The following HECW1 variants were observed in gnomAD, a reference collection of about 807,000 sequenced individuals.
HECW1 encodes E3 ubiquitin-protein ligase HECW1.
HECW1 carries 61 observed loss-of-function variants against 182.3 expected under a neutral mutation model. The ratio of observed to expected loss-of-function variants is 0.33; its 90% CI spans 0.27 to 0.41. The LOEUF (loss-of-function observed/expected upper bound fraction) is 0.41. Among genes scored for constraint, HECW1 ranks in the 10% least tolerant of loss-of-function variants. HECW1 has a pLI of 1.00. For synonymous variants in HECW1, 859 were observed against 832.6 expected (o/e 1.03, Z -0.55); for missense variants, 1,739 against 2,108.9 (o/e 0.82, Z 3.44).
At chr7:43,483,590 C>T (rs1268146570) in intron 17 of HECW1, among the ~76,000 whole-genome samples, 1 of 140,110 alleles carries the variant, frequency 7.1e-6, no homozygotes, top group East Asian at 2.0e-4. Context: ...GCTCTGTCAC[C>T]CAGGCTGGAG....
At chr7:43,539,387 A>C (rs2152952556) in intron 24 of HECW1, among the ~76,000 whole-genome samples, 1 of 152,330 alleles carries the variant, frequency 6.6e-6, no homozygotes, top group East Asian at 1.9e-4. Flanking sequence ...ATGTATATCC[A>C]GTCCCAGTAT....
chr7:43,396,762 T>C (rs2075245672), intron 6 of HECW1, 52 bp from the exon 7 acceptor site: 1 of 1,164,470 alleles, frequency 8.6e-7, no homozygotes, highest in South Asian at 1.2e-5. Flanking sequence ...GAAGTGTGAA[T>C]ATCCATTTCA....
chr7:43,460,201 G>C (rs938397441), intron 13 of HECW1, among the ~76,000 whole-genome samples: 3 of 152,208 alleles, frequency 2.0e-5, no homozygotes, highest in Admixed American at 6.5e-5. Context: ...TTGGCATTTG[G>C]TATCAATGCC....
chr7:43,468,787 G>T, intron 15 of HECW1, 133 bp from the exon 16 acceptor site: 2 of 746,060 alleles, frequency 2.7e-6, no homozygotes, highest in East Asian at 5.5e-5. Context: ...ATTTTCTGAG[G>T]CCTCTACCTC....
intron 5 of HECW1, among the ~76,000 whole-genome samples, chr7:43,347,495 C>G (rs1813835854): frequency 6.6e-6 from 1 of 152,088 alleles, no homozygotes; most frequent in African/African-American, 2.4e-5. Context: ...TTCCTCTTTA[C>G]TGCTTTGGAT....
At chr7:43,474,220 C>A (rs1032560909) in intron 16 of HECW1, among the ~76,000 whole-genome samples, 1 of 152,248 alleles carries the variant, frequency 6.6e-6, no homozygotes, top group East Asian at 1.9e-4. Context: ...GAGGCCAAGG[C>A]GGGTGGATCA....
intron 2 of HECW1, among the ~76,000 whole-genome samples, chr7:43,157,781 A>G (rs1790048879): frequency 6.6e-6 from 1 of 152,160 alleles, no homozygotes; most frequent in Non-Finnish European, 1.5e-5. Flanking sequence ...GGCCGGTCTT[A>G]ATCTCCTGAG....
chr7:43,175,803 C>G (rs1443504554), intron 2 of HECW1, among the ~76,000 whole-genome samples: 13 of 152,204 alleles, frequency 8.5e-5, no homozygotes, highest in Non-Finnish European at 2.9e-5. Flanking sequence ...ATGCAGCCTT[C>G]ATGACGGCTT....
chr7:43,194,925 C>T (rs1349437845), intron 2 of HECW1, among the ~76,000 whole-genome samples: 1 of 152,120 alleles, frequency 6.6e-6, no homozygotes, highest in African/African-American at 2.4e-5. Context: ...AACTCCTGAC[C>T]TCAGGTAATC....
intron 2 of HECW1, among the ~76,000 whole-genome samples, chr7:43,160,860 C>T (rs539394331): frequency 1.1e-3 from 161 of 152,262 alleles, no homozygotes; most frequent in Non-Finnish European, 1.8e-3. Flanking sequence ...TTCTACTGTT[C>T]CCGCCCGCTG....
chr7:43,198,459 G>A (rs774634051), intron 2 of HECW1, among the ~76,000 whole-genome samples: 3 of 131,738 alleles, frequency 2.3e-5, no homozygotes, highest in African/African-American at 5.8e-5. Flanking sequence ...ACCCTAACAC[G>A]TACCCACCAT....
intron 8 of HECW1, among the ~76,000 whole-genome samples, chr7:43,417,006 G>A (rs1373096871): frequency 6.6e-6 from 1 of 152,184 alleles, no homozygotes; most frequent in Non-Finnish European, 1.5e-5. Flanking sequence ...CTCACGCTGG[G>A]AGCTGTAGAC....
chr7:43,496,115 G>T (rs938647367), intron 19 of HECW1, among the ~76,000 whole-genome samples: 2 of 151,494 alleles, frequency 1.3e-5, no homozygotes, highest in African/African-American at 2.4e-5. Flanking sequence ...TGCAATATGG[G>T]ATTGTACAAT....
chr7:43,538,579 T>A (rs1460138590), intron 24 of HECW1, among the ~76,000 whole-genome samples: 1 of 152,114 alleles, frequency 6.6e-6, no homozygotes, highest in Admixed American at 6.6e-5. Flanking sequence ...ATCGCTCACA[T>A]CTCAAAATAG....
intron 5 of HECW1, among the ~76,000 whole-genome samples, chr7:43,343,463 G>A (rs1199061265): frequency 3.3e-5 from 5 of 151,566 alleles, no homozygotes; most frequent in Non-Finnish European, 7.4e-5. Context: ...TCCCTGCCCT[G>A]TGTCCAAGTG....
chr7:43,450,883 G>A lies in HECW1; in HGVS notation c.2454G>A (p.Arg818=). ...CAGTAAGCCAGCTTCCTTCCCTGAG[G>A]CCTGAACATCATCACTACCCAACAA... is the stretch of plus-strand genomic sequence containing the variant. ...SQPVSQLPSL[R]PEHHHYPTID... The change falls in exon 12 of 30, where the codon AGG becomes AGA. Residue 818 remains arginine, a synonymous_variant. Transcript: ENST00000395891. 1 of 1,613,638 alleles carries A rather than the reference G, an allele frequency of 6.2e-7. No individual in the cohort carries two copies. Among genetic ancestry groups the A allele is most frequent in the South Asian group, 1.1e-5 (1 of 91,054 alleles).
At chr7:43,407,091 C>T (rs976394414) in intron 7 of HECW1, among the ~76,000 whole-genome samples, 2 of 152,066 alleles carry the variant, frequency 1.3e-5, no homozygotes, top group African/African-American at 4.8e-5. Flanking sequence ...CAGAACAGCT[C>T]GATTTTCAAA....
chr7:43,142,194 T>C (rs1026631143), intron 2 of HECW1, among the ~76,000 whole-genome samples: 5 of 152,148 alleles, frequency 3.3e-5, no homozygotes, highest in African/African-American at 9.7e-5. Flanking sequence ...TCCTCATCAT[T>C]TGGGGATGCC....
At chr7:43,506,415 C>G (rs1172017968) in intron 21 of HECW1, among the ~76,000 whole-genome samples, 1 of 152,134 alleles carries the variant, frequency 6.6e-6, no homozygotes, top group Non-Finnish European at 1.5e-5. Flanking sequence ...AGAAATACAA[C>G]TTGAAAGAAT....
Sources: allele counts gnomAD v4.1 joint callset (sites outside exome capture counted in the v4.1 genomes callset), GRCh38; gene constraint gnomAD v4.1.1; transcripts MANE v1.5; gene names NCBI Gene and HGNC (gene_info 2026-07-23, HGNC 2026-07-21).